Variants in CYB5A observed in about 807,000 individuals in gnomAD.
CYB5A encodes the protein cytochrome b5 type A.
A neutral mutation model predicts 16.2 loss-of-function variants in CYB5A; 10 were observed. The ratio of observed to expected loss-of-function variants is 0.62; its 90% CI spans 0.38 to 1.04. The LOEUF is 1.04. CYB5A is among the 50% of genes least tolerant of loss of function. CYB5A has a pLI of 0.01. For synonymous variants in CYB5A, 62 were observed against 57.0 expected (o/e 1.09, Z -0.40); for missense variants, 161 against 165.9 (o/e 0.97, Z 0.16).
intron 1 of CYB5A, among the ~76,000 whole-genome samples, chr18:74,280,091 C>T (rs951516608): frequency 4.6e-5 from 7 of 152,090 alleles, no homozygotes; most frequent in African/African-American, 1.7e-4. Flanking sequence ...AATATCCAGG[C>T]TTAAATACGG....
chr18:74,263,470 C>A lies in CYB5A; in HGVS notation c.137G>T (p.Gly46Val), dbSNP rs951049279. ...TTGTTCCCTTAAAACTTCTTCCCCACCAGGATGCTGTTCAAAGGAGAGGTA... is the reference window on the plus strand; with the variant it reads ...TTGTTCCCTTAAAACTTCTTCCCCAACAGGATGCTGTTCAAAGGAGAGGTA... ...DLTKFLEEHPGGEEVLREQAG... is the reference protein window; with the variant it reads ...DLTKFLEEHPVGEEVLREQAG... The change falls in exon 2 of 5, where the codon GGT becomes GTT. Residue 46 changes from glycine (G) to valine (V), a missense_variant. By Grantham distance (109) the Gly-to-Val change is moderately radical. Coordinates refer to ENST00000340533, the MANE Select transcript of CYB5A (RefSeq NM_148923.4). The A allele has an allele frequency of 3.1e-6, 5 of 1,614,096 alleles. No homozygotes were observed. The highest frequency in any genetic ancestry group is 4.2e-6 in the Non-Finnish European group (5 of 1,180,002).
rs115752542 is a variant in CYB5A, at chr18:74,253,398, C to A, written c.*186G>T. 3.9e-3 allele frequency: 2,033 copies of A among 523,874 alleles called. 30 individuals are homozygous for A. The highest frequency in any genetic ancestry group is 0.035 in the African/African-American group (1,839 of 51,892). 32.5% of individuals were successfully genotyped at this position (523,874 alleles called of 1,614,324 possible). A position where few individuals can be genotyped will look rare whatever the true frequency, so the allele number is the denominator to read the frequency against. On this transcript the variant is annotated 3_prime_UTR_variant, in exon 5 of 5. Transcript: ENST00000340533. ...AAGTAGATGAATAAAAAGGCACACT[C>A]GAAAAATTTGAGCGCAGAAAGGACA...
intron 3 of CYB5A, chr18:74,258,474 A>T (rs1051921735): frequency 6.6e-6 from 1 of 152,240 alleles, no homozygotes; most frequent in African/African-American, 2.4e-5. Flanking sequence ...GGCAGGTTCA[A>T]GCTAATAATC....
intron 1 of CYB5A, among the ~76,000 whole-genome samples, chr18:74,286,178 G>A (rs539374820): frequency 3.9e-5 from 6 of 152,322 alleles, no homozygotes; most frequent in African/African-American, 1.2e-4. Context: ...GCCACCTTCG[G>A]GGAGCAGAGC....
At chr18:74,291,427 TC>T (rs57801570) in intron 1 of CYB5A, among the ~76,000 whole-genome samples, 119,737 of 137,908 alleles carry the variant, frequency 0.87, 50,868 homozygotes, top group East Asian at 0.96. Flanking sequence ...CAGGGAGCGC[TC>T]CCCAGGTGTG....
At chr18:74,279,875 T>C (rs144034410) in intron 1 of CYB5A, among the ~76,000 whole-genome samples, 2 of 152,350 alleles carry the variant, frequency 1.3e-5, no homozygotes, top group African/African-American at 4.8e-5. Context: ...GTCCTTTCTA[T>C]GTGCCAGCAT....
chr18:74,277,650 A>C (rs570832961), intron 1 of CYB5A, among the ~76,000 whole-genome samples: 1 of 152,222 alleles, frequency 6.6e-6, no homozygotes, highest in Admixed American at 6.5e-5. Context: ...GGAGGGATTA[A>C]CTCTCCCAGG....
chr18:74,269,992 T>C (rs572585752), intron 1 of CYB5A, among the ~76,000 whole-genome samples: 1 of 152,232 alleles, frequency 6.6e-6, no homozygotes, highest in South Asian at 2.1e-4. Context: ...AACAGATGCC[T>C]TCAGTGATAT....
intron 1 of CYB5A, among the ~76,000 whole-genome samples, chr18:74,281,395 G>A (rs548093863): frequency 1.9e-4 from 29 of 152,324 alleles, no homozygotes; most frequent in Non-Finnish European, 4.0e-4. Flanking sequence ...CTGCCAAAGC[G>A]GAAAAGCCCA....
chr18:74,282,480 TC>T (rs1983153231), intron 1 of CYB5A, among the ~76,000 whole-genome samples: 1 of 152,054 alleles, frequency 6.6e-6, no homozygotes, highest in African/African-American at 2.4e-5. Flanking sequence ...TCCTCTTCCA[TC>T]CCCGGAAGAG....
chr18:74,275,424 G>C (rs112394237), intron 1 of CYB5A, among the ~76,000 whole-genome samples: 1 of 152,034 alleles, frequency 6.6e-6, no homozygotes, highest in African/African-American at 2.4e-5. Flanking sequence ...TACCGCCTCC[G>C]AGCACCAGGA....
chr18:74,275,603 A>C (rs1306775109), intron 1 of CYB5A, among the ~76,000 whole-genome samples: 2 of 152,218 alleles, frequency 1.3e-5, no homozygotes, highest in African/African-American at 4.8e-5. Context: ...TTTAGTCAAG[A>C]AAAGTGACCT....
At chr18:74,270,782 A>G (rs73482444) in intron 1 of CYB5A, among the ~76,000 whole-genome samples, 5,038 of 152,264 alleles carry the variant, frequency 0.033, 185 homozygotes, top group African/African-American at 0.1. Flanking sequence ...CAGGGACTTG[A>G]GCACCTTCGG....
At chr18:74,281,821 G>GGTGTGTGT (rs34280956) in intron 1 of CYB5A, among the ~76,000 whole-genome samples, 3 of 144,618 alleles carry the variant, frequency 2.1e-5, no homozygotes, top group East Asian at 2.0e-4. Context: ...AGGAGAGGAG[G>GGTGTGTGT]GTGTGTGTGT....
chr18:74,264,523 C>T (rs115862531), intron 1 of CYB5A, among the ~76,000 whole-genome samples: 62 of 152,128 alleles, frequency 4.1e-4, no homozygotes, highest in Non-Finnish European at 7.6e-4. Flanking sequence ...AAGCACCCTG[C>T]GTGCCGGCAA....
chr18:74,284,128 G>C (rs950592313), intron 1 of CYB5A, among the ~76,000 whole-genome samples: 2 of 151,742 alleles, frequency 1.3e-5, no homozygotes, highest in African/African-American at 4.8e-5. Flanking sequence ...CTACTTGGGA[G>C]GCTGAGGCAA....
At position 74,282,447 on chromosome 18, in the gene CYB5A, G is replaced by A. The variant is rs191709833; in HGVS notation, c.129+9300C>T. 2.0e-3 allele frequency among the ~76,000 whole-genome samples: 307 copies of A among 152,296 alleles called. 3 individuals are homozygous for A. The highest frequency in any genetic ancestry group is 7.1e-3 in the African/African-American group (294 of 41,580). ...TAAGATAGTCACAGAGCAGGGGCTC[G>A]TATCTGTTCCTCCACCAGGCTCTCC... On this transcript the variant is annotated intron_variant, in intron 1 of 4. Transcript: ENST00000340533.
intron 3 of CYB5A, chr18:74,257,136 C>G: frequency 2.3e-6 from 1 of 441,628 alleles, no homozygotes; most frequent in Non-Finnish European, 4.1e-6. Context: ...AAGTTTGAAA[C>G]AGCCAACGGA....
At position 74,255,598 on chromosome 18, in the gene CYB5A, G is replaced by A. The variant is rs530734252; in HGVS notation, c.323+143C>T. ...CTGAAAGTTTGAGGCTGAGTGCTCT[G>A]AACAGTCTGGCCTTCAGCAGAAGGT... On this transcript the variant is annotated intron_variant, in intron 4 of 4. Coordinates refer to ENST00000340533, the MANE Select transcript of CYB5A (RefSeq NM_148923.4). 151 of 724,798 alleles carry A rather than the reference G, an allele frequency of 2.1e-4. No homozygotes were observed. In the Admixed American group the frequency reaches 2.6e-3, roughly 13 times the overall value. The allele number at this position is 724,798 out of a possible 1,614,324, so 44.9% of individuals were successfully genotyped here.
Sources: allele counts gnomAD v4.1 joint callset (sites outside exome capture counted in the v4.1 genomes callset), GRCh38; gene constraint gnomAD v4.1.1; transcripts MANE v1.5; gene names NCBI Gene and HGNC (gene_info 2026-07-23, HGNC 2026-07-21).